Variants in SOX6 observed in about 807,000 individuals in gnomAD.
The protein encoded by SOX6 is transcription factor SOX-6.
Under a neutral mutation model 97.8 loss-of-function variants are expected in SOX6, and 11 were observed. That is an observed-to-expected ratio of 0.11 (90% confidence interval 0.07 to 0.19). The LOEUF (loss-of-function observed/expected upper bound fraction) is 0.19, where lower values mean the gene tolerates loss of function less well. Ranked by LOEUF, SOX6 falls within the 10% of genes least tolerant of loss-of-function variation. The pLI, the probability that SOX6 is intolerant of heterozygous loss-of-function variation, is 1.00. For synonymous variants in SOX6, 360 were observed against 371.4 expected (o/e 0.97, Z 0.35); for missense variants, 810 against 1,039.5 (o/e 0.78, Z 3.04).
At chr11:16,422,645 G>A (rs1347455461) in intron 1 of SOX6, among the ~76,000 whole-genome samples, 2 of 152,092 alleles carry the variant, frequency 1.3e-5, no homozygotes, top group Non-Finnish European at 2.9e-5. Context: ...ACTGCACAAG[G>A]GTGCCCAGCT....
At chr11:16,069,960 T>C (rs1848184482) in intron 9 of SOX6, among the ~76,000 whole-genome samples, 1 of 151,990 alleles carries the variant, frequency 6.6e-6, no homozygotes, top group Non-Finnish European at 1.5e-5. Flanking sequence ...ATCGCGACCA[T>C]CCTTGCTAAC....
chr11:16,508,800 A>G (rs527907910), intron 4 of SOX6, among the ~76,000 whole-genome samples: 37 of 152,292 alleles, frequency 2.4e-4, no homozygotes, highest in Admixed American at 4.6e-4. Flanking sequence ...ATTAACAACA[A>G]TGTATTATAT....
intron 3 of SOX6, among the ~76,000 whole-genome samples, chr11:16,663,640 T>C (rs1161385248): frequency 3.9e-5 from 6 of 152,152 alleles, no homozygotes; most frequent in African/African-American, 1.4e-4. Context: ...CTAAGAAATC[T>C]ACCAATCATG....
chr11:16,380,454 T>C (rs927129925), intron 1 of SOX6, among the ~76,000 whole-genome samples: 7 of 152,082 alleles, frequency 4.6e-5, no homozygotes, highest in African/African-American at 1.7e-4. Context: ...GTTTGGTTTT[T>C]TAATCAGAAA....
At chr11:16,153,630 T>C (rs1389102618) in intron 6 of SOX6, among the ~76,000 whole-genome samples, 1 of 152,076 alleles carries the variant, frequency 6.6e-6, no homozygotes, top group East Asian at 1.9e-4. Context: ...AACCTATCTC[T>C]TTGTGTCTCA....
intron 1 of SOX6, among the ~76,000 whole-genome samples, chr11:16,423,994 A>T (rs915388072): frequency 1.3e-5 from 2 of 152,196 alleles, no homozygotes; most frequent in African/African-American, 4.8e-5. Flanking sequence ...AGTCAACCGT[A>T]TTAATTACTA....
intron 4 of SOX6, among the ~76,000 whole-genome samples, chr11:16,197,021 A>C (rs1398317941): frequency 6.6e-6 from 1 of 151,802 alleles, no homozygotes; most frequent in Non-Finnish European, 1.5e-5. Flanking sequence ...TTTAGTAGAG[A>C]TGGGGTTTCA....
chr11:16,558,503 T>C (rs898625133), intron 4 of SOX6, among the ~76,000 whole-genome samples: 1 of 152,080 alleles, frequency 6.6e-6, no homozygotes, highest in African/African-American at 2.4e-5. Context: ...ATCACTGCTC[T>C]GCAACCAAGA....
At chr11:15,986,091 A>T (rs534297021) in intron 15 of SOX6, 113 bp downstream of exon 15, 1 of 997,434 alleles carries the variant, frequency 1.0e-6, no homozygotes, top group South Asian at 1.3e-5. Context: ...CCCCTTCAGT[A>T]TGCCACAACC....
At chr11:16,662,084 T>C (rs1418594027) in intron 3 of SOX6, among the ~76,000 whole-genome samples, 1 of 152,192 alleles carries the variant, frequency 6.6e-6, no homozygotes, top group Non-Finnish European at 1.5e-5. Flanking sequence ...TTTATTTTTT[T>C]ACCTCCATTC....
At chr11:16,666,726 A>C (rs1348561458) in intron 3 of SOX6, among the ~76,000 whole-genome samples, 1 of 152,078 alleles carries the variant, frequency 6.6e-6, no homozygotes, top group Non-Finnish European at 1.5e-5. Flanking sequence ...GAACCTAGGA[A>C]CACAGGTTGC....
chr11:16,684,895 G>C (rs1847957343), intron 3 of SOX6, among the ~76,000 whole-genome samples: 1 of 152,146 alleles, frequency 6.6e-6, no homozygotes, highest in Non-Finnish European at 1.5e-5. Flanking sequence ...ATCTTCTGGG[G>C]AGGCCCCACG....
In SOX6 at chr11:16,658,313, A is replaced by G. The variant is rs541718414; in HGVS notation, n.430-46053T>C. On this transcript the variant is annotated intron_variant and non_coding_transcript_variant, in intron 3 of 5. Coordinates refer to the SOX6 transcript ENST00000524520. The stretch of plus-strand genomic sequence containing the variant: ...TTTCTCTTTTGTGAAACACCAGTTC[A>G]TATCTTTTGCGTATTTTTCAATTGT... Among the ~76,000 whole-genome samples the G allele has an allele frequency of 2.0e-4, 31 of 152,308 alleles. 1 individual carries two copies. The South Asian group carries it at 6.4e-3, about 32-fold the overall frequency.
At chr11:16,358,870 C>G (rs944817894), upstream of SOX6, among the ~76,000 whole-genome samples, 3 of 152,064 alleles carry the variant, frequency 2.0e-5, no homozygotes, top group African/African-American at 7.2e-5. Context: ...GCTTGTGAAC[C>G]AGAGAAGTTG....
chr11:16,106,508 G>A (rs1228952362), intron 7 of SOX6, among the ~76,000 whole-genome samples: 1 of 151,914 alleles, frequency 6.6e-6, no homozygotes, highest in Non-Finnish European at 1.5e-5. Flanking sequence ...ATCAACAAAT[G>A]TTGTGGGGAA....
intron 3 of SOX6, among the ~76,000 whole-genome samples, chr11:16,661,173 A>T (rs1590042898): frequency 6.6e-6 from 1 of 152,210 alleles, no homozygotes; most frequent in South Asian, 2.1e-4. Flanking sequence ...GTCTTCTTAC[A>T]GACTGACCCA....
chr11:15,972,885 T>C lies in SOX6; in HGVS notation c.2411A>G (p.Tyr804Cys). 1.2e-6 allele frequency: 2 copies of C among 1,614,258 alleles called. No individual in the cohort carries two copies. The highest frequency in any genetic ancestry group is 1.7e-6 in the Non-Finnish European group (2 of 1,180,040). Residue 804 changes from tyrosine to cysteine, a missense_variant, in exon 16 of 16, where the codon TAT becomes TGT. By Grantham distance (194) the Tyr-to-Cys change is radical (BLOSUM62 -2). Transcript: ENST00000683767. ...MINGEDEMEM[Y>C]DDYEDDPKSD... Reference sequence around the variant, plus strand: ...TTTGGGGTCATCTTCATAGTCATCATACATTTCCATTTCATCCTCTCCATT... The same window carrying C: ...TTTGGGGTCATCTTCATAGTCATCACACATTTCCATTTCATCCTCTCCATT...
chr11:16,093,585 A>C (rs1195592056), intron 9 of SOX6, among the ~76,000 whole-genome samples: 1 of 151,948 alleles, frequency 6.6e-6, no homozygotes, highest in African/African-American at 2.4e-5. Context: ...ACCATTTCTG[A>C]GTAATGCATG....
intron 1 of SOX6, among the ~76,000 whole-genome samples, chr11:16,371,494 G>A (rs1374880165): frequency 1.3e-5 from 2 of 151,542 alleles, no homozygotes; most frequent in Non-Finnish European, 2.9e-5. Flanking sequence ...TAAATTGCCT[G>A]TTTCCCTCTA....
Sources: gnomAD v4.1 joint callset for allele counts (sites outside exome capture counted in the v4.1 genomes callset) on GRCh38, gnomAD v4.1.1 for gene constraint, MANE v1.5 for transcripts, NCBI Gene and HGNC (gene_info 2026-07-23, HGNC 2026-07-21) for gene names.